Variants in ZNF711 observed in about 807,000 individuals in gnomAD.
ZNF711 encodes the protein ZFX family zinc finger ZNF711, also known as zinc finger protein 711.
In ZNF711, 3 loss-of-function variants were observed where a neutral mutation model predicts 43.5. The observed-to-expected ratio is 0.07, with a 90% CI of 0.03 to 0.18. ZNF711 has a LOEUF of 0.18. ZNF711 is among the 10% of genes least tolerant of loss of function. The pLI, the probability that ZNF711 is intolerant of heterozygous loss-of-function variation, is 1.00. For synonymous variants in ZNF711, 209 were observed against 207.7 expected (o/e 1.01, Z -0.06); for missense variants, 412 against 604.0 (o/e 0.68, Z 3.33).
intron 5 of ZNF711, among the ~76,000 whole-genome samples, chrX:85,258,566 AAATAAT>A (rs752018307): frequency 1.3e-4 from 14 of 109,145 alleles, no homozygotes; most frequent in East Asian, 8.6e-4. Context: ...TGAACAAGCA[AAATAAT>A]AATAATAATA....
chrX:85,270,172 A>T, intron 10 of ZNF711, 26 bp downstream of exon 10: 1 of 1,190,942 alleles, frequency 8.4e-7, no homozygotes, highest in Non-Finnish European at 1.1e-6. Context: ...TATGAATATT[A>T]TAATTATTTG....
intron 5 of ZNF711, among the ~76,000 whole-genome samples, chrX:85,257,679 G>GTA (rs1930290862): frequency 8.9e-6 from 1 of 112,452 alleles, no homozygotes; most frequent in Non-Finnish European, 1.9e-5. Flanking sequence ...TCCATTGGAT[G>GTA]TATACCCAGA....
At chrX:85,247,913 A>C (rs1329637083) in intron 4 of ZNF711, among the ~76,000 whole-genome samples, 1 of 111,133 alleles carries the variant, frequency 9.0e-6, no homozygotes, top group Non-Finnish European at 1.9e-5. Flanking sequence ...AATTTACATA[A>C]ATAACTGCAT....
chrX:85,267,361 G>C lies in ZNF711; in HGVS notation c.1000G>C (p.Glu334Gln), dbSNP rs1931174676. The C allele has an allele frequency of 2.6e-6, 3 of 1,145,370 alleles. No individual in the cohort carries two copies. The South Asian group carries it at 5.9e-5, about 22-fold the overall frequency. 94.4% of individuals were successfully genotyped at this position (1,145,370 alleles called of 1,213,427 possible). The change falls in exon 8 of 11, where the codon GAG becomes CAG. Residue 334 changes from glutamate (E) to glutamine (Q), a missense_variant. Physicochemically the swap from Glu to Gln is conservative, Grantham distance 29. This residue lies in a region of ZNF711 where 375 missense variants were observed against 514.2 expected (regional missense o/e 0.73). Transcript: ENST00000674551. ...AACTTCTCTCCCTGAGATTCAGCTT[G>C]AGGACTCTGATGTTAATAAAACAGT... is the stretch of plus-strand genomic sequence containing the variant. ...EGTSLPEIQL[E>Q]DSDVNKTVVP...
intron 8 of ZNF711, 24 bp downstream of exon 8, chrX:85,267,439 C>A (rs1931181732): frequency 9.1e-7 from 1 of 1,093,471 alleles, no homozygotes; most frequent in Non-Finnish European, 1.2e-6. Flanking sequence ...ATTTTTTCAC[C>A]TGATAAGTAC....
chrX:85,254,251 C>T (rs1177838767), intron 4 of ZNF711, among the ~76,000 whole-genome samples: 2 of 108,606 alleles, frequency 1.8e-5, no homozygotes, highest in African/African-American at 3.4e-5. Flanking sequence ...GGGTGGATCA[C>T]GAGGTCAGGA....
At chrX:85,247,394 G>A (rs1929123927) in intron 3 of ZNF711, 153 bp from the exon 4 acceptor site, 1 of 389,924 alleles carries the variant, frequency 2.6e-6, no homozygotes, top group Non-Finnish European at 4.4e-6. Context: ...GTCACATAAA[G>A]CATCTAACCA....
intron 4 of ZNF711, among the ~76,000 whole-genome samples, chrX:85,250,243 A>G (rs943374987): frequency 1.8e-5 from 2 of 112,017 alleles, no homozygotes; most frequent in Middle Eastern, 4.2e-3. Context: ...GAAACCACAG[A>G]ATAAATAGCA....
chrX:85,255,865 C>T, intron 5 of ZNF711, 64 bp downstream of exon 5: 1 of 1,071,578 alleles, frequency 9.3e-7, no homozygotes, highest in Non-Finnish European at 1.3e-6. Flanking sequence ...GAAAAGTTTT[C>T]TGGGATGAGG....
intron 3 of ZNF711, 91 bp from the exon 4 acceptor site, chrX:85,247,456 G>A (rs1929127492): frequency 1.8e-6 from 1 of 557,593 alleles, no homozygotes; most frequent in African/African-American, 2.4e-5. Context: ...ACACTTGGTT[G>A]AAAGGCATAT....
chrX:85,248,859 G>A (rs1316598678), intron 4 of ZNF711, among the ~76,000 whole-genome samples: 1 of 111,985 alleles, frequency 8.9e-6, no homozygotes, highest in Non-Finnish European at 1.9e-5. Flanking sequence ...TGTATCATTT[G>A]GTCCCCTGTA....
At chrX:85,270,438 C>A (rs181640429) in intron 10 of ZNF711, among the ~76,000 whole-genome samples, 2 of 111,005 alleles carry the variant, frequency 1.8e-5, no homozygotes, top group Non-Finnish European at 3.8e-5. Context: ...TGCATTTTGG[C>A]ATGTGAGTGG....
At chrX:85,260,552 T>C (rs1257442780) in intron 5 of ZNF711, among the ~76,000 whole-genome samples, 4 of 108,228 alleles carry the variant, frequency 3.7e-5, no homozygotes, top group Admixed American at 1.0e-4. Context: ...CCACAATCAA[T>C]TTTAGAACTT....
chrX:85,266,032 T>TTC (rs1213325972), intron 7 of ZNF711, among the ~76,000 whole-genome samples: 1 of 111,567 alleles, frequency 9.0e-6, no homozygotes, highest in Non-Finnish European at 1.9e-5. Flanking sequence ...TCTGCCTACT[T>TTC]TCTCCTCACC....
chrX:85,253,032 G>C (rs1929684286), intron 4 of ZNF711, among the ~76,000 whole-genome samples: 1 of 111,891 alleles, frequency 8.9e-6, no homozygotes, highest in African/African-American at 3.2e-5. Context: ...ATGATTTCTT[G>C]TAGATAATTT....
chrX:85,262,230 G>A (rs933703983), intron 5 of ZNF711, among the ~76,000 whole-genome samples: 1 of 110,202 alleles, frequency 9.1e-6, no homozygotes, highest in Non-Finnish European at 1.9e-5. Flanking sequence ...CTAAAATTAT[G>A]GTACAAAACT....
intron 2 of ZNF711, among the ~76,000 whole-genome samples, chrX:85,246,398 A>G: frequency 8.9e-6 from 1 of 112,517 alleles, no homozygotes; most frequent in Non-Finnish European, 1.9e-5. Flanking sequence ...CTACTTCTGT[A>G]GCATATTTAT....
At chrX:85,265,374 T>C in intron 7 of ZNF711, 119 bp downstream of exon 7, 1 of 780,302 alleles carries the variant, frequency 1.3e-6, no homozygotes, top group African/African-American at 2.1e-5. Flanking sequence ...CCTGATCCTT[T>C]GACCCTTTGC....
At chrX:85,252,599 C>T (rs1704149808) in intron 4 of ZNF711, among the ~76,000 whole-genome samples, 1 of 111,720 alleles carries the variant, frequency 9.0e-6, no homozygotes, top group African/African-American at 3.3e-5. Context: ...TTTTTCCTTG[C>T]TAAAAAACCA....
Sources: allele counts gnomAD v4.1 joint callset (sites outside exome capture counted in the v4.1 genomes callset), GRCh38; gene constraint gnomAD v4.1.1; regional missense constraint gnomAD v4.1.1; transcripts MANE v1.5; gene names NCBI Gene and HGNC (gene_info 2026-07-23, HGNC 2026-07-21).